POP1: variants seen among roughly 807,000 people sequenced by gnomAD.
POP1 encodes ribonucleases P/MRP protein subunit POP1.
A neutral mutation model predicts 102.2 loss-of-function variants in POP1; 75 were observed. That is an observed-to-expected ratio of 0.73 (90% CI 0.61 to 0.89). POP1 has a LOEUF of 0.89. POP1 is among the 40% of genes least tolerant of loss of function. POP1 has a pLI of 0.00. For synonymous variants in POP1, 436 were observed against 464.1 expected (o/e 0.94, Z 0.78); for missense variants, 1,116 against 1,267.4 (o/e 0.88, Z 1.81).
intron 1 of POP1, among the ~76,000 whole-genome samples, chr8:98,121,427 C>T (rs892758642): frequency 6.6e-6 from 1 of 151,570 alleles, no homozygotes; most frequent in Admixed American, 6.6e-5. Flanking sequence ...TGGGCAGGGA[C>T]CAGGGATATT....
intron 9 of POP1, among the ~76,000 whole-genome samples, chr8:98,139,788 T>C (rs1477686480): frequency 1.3e-5 from 2 of 152,096 alleles, no homozygotes; most frequent in Admixed American, 1.3e-4. Flanking sequence ...TGGAGAGACT[T>C]TGAGTGTGAA....
rs558661264 is a variant in POP1 at position 98,150,614 on chromosome 8, A to C, written c.2032A>C (p.Lys678Gln). ...GATGCTGTTTGCGGAAGAGCAAGCTAAGAATCTTCTTGAAAAGTACAAAAG... is the reference window on the plus strand; with the variant it reads ...GATGCTGTTTGCGGAAGAGCAAGCTCAGAATCTTCTTGAAAAGTACAAAAG... ...AGMLFAEEQA[K>Q]NLLEKYKRRP... Residue 678 changes from lysine to glutamine, a missense_variant, in exon 14 of 16, where the codon AAG becomes CAG. Transcript: ENST00000401707. 3 of 1,614,218 alleles carry C rather than the reference A, an allele frequency of 1.9e-6. No individual in the cohort carries two copies. The African/African-American group carries it at 4.0e-5, about 22-fold the overall frequency.
chr8:98,154,680 G>A (rs556284890), intron 14 of POP1, among the ~76,000 whole-genome samples: 1 of 152,118 alleles, frequency 6.6e-6, no homozygotes, highest in Non-Finnish European at 1.5e-5. Context: ...GCAGGGGAAG[G>A]CAGCATGACC....
intron 2 of POP1, among the ~76,000 whole-genome samples, chr8:98,125,242 A>C (rs944239144): frequency 1.3e-4 from 18 of 143,390 alleles, no homozygotes; most frequent in African/African-American, 4.8e-4. Flanking sequence ...CTGGAGTGCA[A>C]TGGTGCGATC....
intron 4 of POP1, 71 bp from the exon 5 acceptor site, chr8:98,129,907 G>C (rs1174446372): frequency 2.6e-6 from 4 of 1,529,732 alleles, no homozygotes; most frequent in South Asian, 1.1e-5. Flanking sequence ...TTATTTGTTT[G>C]CATTCCTGAC....
chr8:98,145,313 A>G (rs566821465), intron 11 of POP1, among the ~76,000 whole-genome samples: 7 of 152,336 alleles, frequency 4.6e-5, no homozygotes, highest in Non-Finnish European at 7.3e-5. Context: ...TTTCCTAGCC[A>G]TCAGACCCAG....
Position 98,139,731 on chromosome 8 carries a change from G to A in POP1, c.1363-347G>A, listed in dbSNP as rs72678802. ...CTCAGTGACAGTGAGACTGTGTCAA[G>A]AAAAAAAAGAGAGAGGAGCGAGGCC... is the stretch of plus-strand genomic sequence containing the variant. On this transcript the variant is annotated intron_variant, in intron 9 of 15. Coordinates refer to ENST00000401707, the MANE Select transcript of POP1 (RefSeq NM_001145860.2). 0.13 allele frequency among the ~76,000 whole-genome samples: 19,967 copies of A among 151,622 alleles called. 1,414 individuals carry two copies. The highest frequency in any genetic ancestry group is 0.26 in the Middle Eastern group (75 of 292).
At chr8:98,126,354 G>A (rs562088709) in intron 2 of POP1, among the ~76,000 whole-genome samples, 36 of 152,134 alleles carry the variant, frequency 2.4e-4, no homozygotes, top group African/African-American at 8.0e-4. Flanking sequence ...CTTTTTGAGC[G>A]CCGACATGAC....
At chr8:98,128,288 G>A (rs1172109467) in intron 3 of POP1, 77 bp from the exon 4 acceptor site, 2 of 1,440,500 alleles carry the variant, frequency 1.4e-6, no homozygotes, top group African/African-American at 1.4e-5. Context: ...ATTCAGTTAA[G>A]TTTCCCCAGC....
intron 1 of POP1, among the ~76,000 whole-genome samples, chr8:98,122,747 T>C (rs905047930): frequency 6.6e-6 from 1 of 152,204 alleles, no homozygotes; most frequent in African/African-American, 2.4e-5. Flanking sequence ...TGTCTCGATA[T>C]GTGTCTAATA....
At chr8:98,153,424 T>C (rs1267398607) in intron 14 of POP1, among the ~76,000 whole-genome samples, 1 of 152,106 alleles carries the variant, frequency 6.6e-6, no homozygotes, top group Non-Finnish European at 1.5e-5. Context: ...TCTATTGGGA[T>C]TGAGTTCAGT....
intron 14 of POP1, among the ~76,000 whole-genome samples, chr8:98,151,371 G>C (rs139467088): frequency 6.6e-6 from 1 of 152,326 alleles, no homozygotes; most frequent in African/African-American, 2.4e-5. Context: ...GTGAGCCACT[G>C]TGCCTGGCCA....
chr8:98,125,426 T>C (rs1816170355), intron 2 of POP1, among the ~76,000 whole-genome samples: 1 of 152,150 alleles, frequency 6.6e-6, no homozygotes, highest in Non-Finnish European at 1.5e-5. Context: ...CCTCAAGTGA[T>C]CCACCTGCTT....
intron 12 of POP1, among the ~76,000 whole-genome samples, chr8:98,147,922 A>G (rs752351705): frequency 1.2e-4 from 19 of 152,220 alleles, no homozygotes; most frequent in Admixed American, 1.2e-3. Flanking sequence ...AGAAGTGCTC[A>G]GTAAATATTT....
Position 98,156,272 on chromosome 8 carries a change from C to G in POP1, c.2280C>G (p.Gly760=). 1 of 1,614,096 alleles carries G rather than the reference C, an allele frequency of 6.2e-7. No individual in the cohort carries two copies. The change falls in exon 15 of 16, where the codon GGC becomes GGG. Residue 760 remains glycine (G), a synonymous_variant. Coordinates refer to ENST00000401707, the MANE Select transcript of POP1 (RefSeq NM_001145860.2). ...KKTHQPSDEV[G]TSIEHPREAE... ...CTCATCAGCCATCTGATGAAGTGGG[C>G]ACATCCATAGAGCACCCCAGGGAGG... is the stretch of plus-strand genomic sequence containing the variant.
Position 98,128,357 on chromosome 8 carries a change from T to G in POP1, c.311-8T>G. 6.2e-7 allele frequency: 1 copy of G among 1,613,734 alleles called. No homozygotes were observed. Among genetic ancestry groups the G allele is most frequent in the Non-Finnish European group, 8.5e-7 (1 of 1,179,866 alleles). ...GGTGTTTAATGACTTTGTCATCTCC[T>G]TCAACAGCTTCTACTTTTGCTCAAG... On this transcript the variant is annotated splice_polypyrimidine_tract_variant and splice_region_variant and intron_variant, in intron 3 of 15. Transcript: ENST00000401707.
rs762693840 is a variant in POP1 at position 98,148,936 on chromosome 8, G to T, written c.1832G>T (p.Arg611Leu). 6.2e-7 allele frequency: 1 copy of T among 1,613,812 alleles called. No individual in the cohort carries two copies. The highest frequency in any genetic ancestry group is 1.7e-5 in the Admixed American group (1 of 60,004). Residue 611 changes from arginine (R) to leucine (L), a missense_variant, in exon 13 of 16, where the codon CGA (arginine) becomes CTA (leucine). Coordinates refer to ENST00000401707, the MANE Select transcript of POP1 (RefSeq NM_001145860.2). ...QQPGKVTGED[R>L]LGWGSGWDVL... ...CCAGGAAAAGTGACTGGTGAAGATC[G>T]ACTAGGCTGGGGAAGTGGCTGGGAT...
chr8:98,147,839 T>C (rs1809397571), intron 12 of POP1, among the ~76,000 whole-genome samples: 2 of 152,160 alleles, frequency 1.3e-5, no homozygotes, highest in African/African-American at 4.8e-5. Flanking sequence ...GGATTTCAGC[T>C]AAAAGAGAGC....
chr8:98,151,817 A>G (rs970760081), intron 14 of POP1, among the ~76,000 whole-genome samples: 4 of 144,316 alleles, frequency 2.8e-5, no homozygotes, highest in African/African-American at 1.1e-4. Flanking sequence ...ATCATGGCTG[A>G]CCACAGCCTC....
Sources: gnomAD v4.1 joint callset for allele counts (sites outside exome capture counted in the v4.1 genomes callset) on GRCh38, gnomAD v4.1.1 for gene constraint, MANE v1.5 for transcripts, NCBI Gene and HGNC (gene_info 2026-07-23, HGNC 2026-07-21) for gene names.